The following RAB38 variants were observed in gnomAD, a reference collection of about 807,000 sequenced individuals.
RAB38 encodes the protein RAB38, member RAS oncogene family.
Under a neutral mutation model 18.4 loss-of-function variants are expected in RAB38, and 15 were observed. That is an observed-to-expected ratio of 0.82 (90% confidence interval 0.55 to 1.26). RAB38 has a LOEUF of 1.26. Among genes scored for constraint, RAB38 ranks in the 50% most tolerant of loss-of-function variants. The pLI, the probability that RAB38 is intolerant of heterozygous loss-of-function variation, is 0.00. For synonymous variants in RAB38, 101 were observed against 104.4 expected, an observed-to-expected ratio of 0.97 and a Z score of 0.20; for missense variants, 294 against 267.4, an observed-to-expected ratio of 1.10 and a Z score of -0.69.
chr11:88,142,056 T>G (rs563052178), intron 2 of RAB38, among the ~76,000 whole-genome samples: 293 of 147,008 alleles, frequency 2.0e-3, no homozygotes, highest in Middle Eastern at 7.1e-3. Context: ...ATGGTGTAGA[T>G]AGCTCTCTGA....
At chr11:87,930,657 T>C in the RAB38 span, among the ~76,000 whole-genome samples, 1 of 152,192 alleles carries the variant, frequency 6.6e-6, no homozygotes, top group African/African-American at 2.4e-5. Flanking sequence ...ATGTCCTGAA[T>C]GGTATTGCCT....
chr11:88,138,738 GT>G (rs1942864641), intron 2 of RAB38, among the ~76,000 whole-genome samples: 2 of 151,620 alleles, frequency 1.3e-5, no homozygotes, highest in Non-Finnish European at 2.9e-5. Flanking sequence ...TACAAGACCT[GT>G]TAAACATGCA....
rs1247851681 is a variant in RAB38, at chr11:88,114,106, A to C, written c.518T>G (p.Leu173Arg). 1 of 1,614,226 alleles carries C rather than the reference A, an allele frequency of 6.2e-7. No homozygotes were observed. ...NINIDEASRCLVKHILANECD... is the reference protein window; with the variant it reads ...NINIDEASRCRVKHILANECD... ...CTCATTTGCAAGTATGTGTTTCACCAGGCATCTGGAGGCTTCATCAATGTT... is the reference window on the plus strand; with the variant it reads ...CTCATTTGCAAGTATGTGTTTCACCCGGCATCTGGAGGCTTCATCAATGTT... The change falls in exon 3 of 3, where the codon CTG becomes CGG. Residue 173 changes from leucine (L) to arginine (R), a missense_variant. Coordinates refer to ENST00000243662, the MANE Select transcript of RAB38 (RefSeq NM_022337.3).
At chr11:88,169,133 C>T (rs955434821) in intron 1 of RAB38, among the ~76,000 whole-genome samples, 2 of 152,122 alleles carry the variant, frequency 1.3e-5, no homozygotes, top group Non-Finnish European at 2.9e-5. Context: ...GGCATATGTA[C>T]TATCTGACTT....
chr11:88,013,689 A>G, the RAB38 span, among the ~76,000 whole-genome samples: 55 of 152,186 alleles, frequency 3.6e-4, no homozygotes, highest in African/African-American at 1.3e-3. Context: ...ATGGATAAAA[A>G]GAAAGATGCA....
the RAB38 span, among the ~76,000 whole-genome samples, chr11:88,033,981 C>G: frequency 6.6e-6 from 1 of 152,118 alleles, no homozygotes; most frequent in Non-Finnish European, 1.5e-5. Context: ...CCCACCTCGG[C>G]CTCCCAAAGT....
chr11:88,020,027 G>C, the RAB38 span, among the ~76,000 whole-genome samples: 5 of 152,140 alleles, frequency 3.3e-5, no homozygotes, highest in Non-Finnish European at 2.9e-5. Flanking sequence ...TATATGAAAT[G>C]GGTTAGAGAG....
At chr11:87,910,998 A>G in the RAB38 span, among the ~76,000 whole-genome samples, 1 of 151,810 alleles carries the variant, frequency 6.6e-6, no homozygotes, top group Non-Finnish European at 1.5e-5. Context: ...ATTTTTTTGC[A>G]TGTGGATATC....
the RAB38 span, among the ~76,000 whole-genome samples, chr11:87,913,164 T>G: frequency 3.9e-4 from 60 of 152,084 alleles, no homozygotes; most frequent in African/African-American, 1.3e-3. Context: ...CATTTTCTAC[T>G]ATGGTTGGGT....
chr11:88,175,369 T>A lies in RAB38; in HGVS notation c.16A>T (p.Lys6Ter). 4.3e-6 allele frequency: 7 copies of A among 1,614,150 alleles called. No homozygotes were observed. Among genetic ancestry groups the A allele is most frequent in the Non-Finnish European group, 5.9e-6 (7 of 1,180,026 alleles). The change falls in exon 1 of 3, where the codon AAG becomes TAG. Residue 6 changes from lysine (K) to a stop codon, truncating the protein, a stop_gained. Coordinates refer to ENST00000243662, the MANE Select transcript of RAB38 (RefSeq NM_022337.3). LOFTEE classifies it high-confidence loss of function. Reference sequence around the variant, plus strand: ...ACCAGCAACTTGTACAGGTGCTCCTTGTGCGGGGCCTGCATCCTGGCGGCC... The same window carrying A: ...ACCAGCAACTTGTACAGGTGCTCCTAGTGCGGGGCCTGCATCCTGGCGGCC... MQAPH[K>*]EHLYKLLVIG...
chr11:88,049,183 C>G, the RAB38 span, among the ~76,000 whole-genome samples: 3 of 151,894 alleles, frequency 2.0e-5, no homozygotes, highest in African/African-American at 7.3e-5. Context: ...CCCAACACTT[C>G]GCTATTTTAT....
chr11:88,048,520 T>A, the RAB38 span, among the ~76,000 whole-genome samples: 1 of 152,140 alleles, frequency 6.6e-6, no homozygotes, highest in Non-Finnish European at 1.5e-5. Context: ...TACTTTTACC[T>A]CTTTCCCTTC....
At chr11:87,854,125 A>G in the RAB38 span, among the ~76,000 whole-genome samples, 6 of 30,894 alleles carry the variant, frequency 1.9e-4, no homozygotes, top group South Asian at 5.8e-3. Context: ...TCACACCTGC[A>G]AAGGTTTTTG....
chr11:88,111,166 AG>A (rs1942468702), downstream of RAB38, among the ~76,000 whole-genome samples: 1 of 152,172 alleles, frequency 6.6e-6, no homozygotes, highest in Non-Finnish European at 1.5e-5. Flanking sequence ...GCAATAACTC[AG>A]ACATTTATCC....
At chr11:88,049,184 G>A in the RAB38 span, among the ~76,000 whole-genome samples, 2,948 of 151,618 alleles carry the variant, frequency 0.019, 111 homozygotes, top group South Asian at 0.059. Flanking sequence ...CCAACACTTC[G>A]CTATTTTATT....
chr11:88,138,686 T>A (rs1942864244), intron 2 of RAB38, among the ~76,000 whole-genome samples: 1 of 152,180 alleles, frequency 6.6e-6, no homozygotes, highest in African/African-American at 2.4e-5. Context: ...ACCTATTTCA[T>A]AAGGGTTTGT....
Position 88,149,680 on chromosome 11 carries a change from C to A in RAB38, c.478G>T (p.Ala160Ser). Reference protein sequence around the residue: ...HGFVGWFETSAKENINIDEAS... With the variant: ...HGFVGWFETSSKENINIDEAS... ...ATTATTTAAAGTCACATTACCTTTG[C>A]TGATGTTTCAAACCATCCTACGAAA... Residue 160 changes from alanine (A) to serine (S), a missense_variant, in exon 2 of 3, where the codon GCA (alanine) becomes TCA (serine). Ala to Ser is a moderately conservative substitution (Grantham distance 99). Coordinates refer to ENST00000243662, the MANE Select transcript of RAB38 (RefSeq NM_022337.3). 1 of 1,607,576 alleles carries A rather than the reference C, an allele frequency of 6.2e-7. No individual in the cohort carries two copies. Among genetic ancestry groups the A allele is most frequent in the Middle Eastern group, 1.7e-4 (1 of 6,036 alleles).
rs560384572 is a variant in RAB38, at chr11:88,118,443, A to G, written c.484-4303T>C. Among the ~76,000 whole-genome samples, 140 of 152,338 alleles carry G rather than the reference A, an allele frequency of 9.2e-4. 2 individuals carry two copies. The highest frequency in any genetic ancestry group is 3.3e-3 in the African/African-American group (137 of 41,586). ...AGGTTCAGACCCTTTGGGCAATTAG[A>G]TTGCAATATAATTGATTGAGCTAGT... On this transcript the variant is annotated intron_variant, in intron 2 of 2. Transcript: ENST00000243662.
At chr11:87,858,520 C>T in the RAB38 span, among the ~76,000 whole-genome samples, 137 of 152,166 alleles carry the variant, frequency 9.0e-4, no homozygotes, top group Middle Eastern at 0.017. Context: ...AAAGCCATTA[C>T]GGTTCTAGCA....
Sources: allele counts gnomAD v4.1 joint callset (sites outside exome capture counted in the v4.1 genomes callset), GRCh38; gene constraint gnomAD v4.1.1; transcripts MANE v1.5; gene names NCBI Gene and HGNC (gene_info 2026-07-23, HGNC 2026-07-21).